GIPC2: variants seen among roughly 807,000 people sequenced by gnomAD.
GIPC2 encodes the protein PDZ domain-containing protein GIPC2.
A neutral mutation model predicts 30.6 loss-of-function variants in GIPC2; 30 were observed. That is an observed-to-expected ratio of 0.98 (90% CI 0.73 to 1.33). GIPC2 has a LOEUF of 1.33. Ranked by LOEUF, GIPC2 falls within the 40% of genes most tolerant of loss-of-function variation. The pLI, the probability that GIPC2 is intolerant of heterozygous loss-of-function variation, is 0.00. For synonymous variants in GIPC2, 167 were observed against 150.0 expected, an observed-to-expected ratio of 1.11 and a Z score of -0.83; for missense variants, 414 against 390.3, an observed-to-expected ratio of 1.06 and a Z score of -0.51.
intron 2 of GIPC2, among the ~76,000 whole-genome samples, chr1:78,084,544 G>A (rs887732333): frequency 3.3e-5 from 5 of 150,718 alleles, no homozygotes; most frequent in Non-Finnish European, 4.4e-5. Context: ...AACTCGTAAC[G>A]ATGCTTCTAA....
chr1:78,053,765 AGC>A (rs1661238995), intron 1 of GIPC2, among the ~76,000 whole-genome samples: 2 of 132,016 alleles, frequency 1.5e-5, no homozygotes, highest in East Asian at 2.0e-4. Context: ...AAAAAAAAAA[AGC>A]CAAAAAAAAA....
At chr1:78,088,831 TAA>T (rs67286239) in intron 2 of GIPC2, among the ~76,000 whole-genome samples, 18 of 141,122 alleles carry the variant, frequency 1.3e-4, no homozygotes, top group Admixed American at 1.4e-4. Flanking sequence ...CACTGTCTCT[TAA>T]AAAAAAAAAA....
In GIPC2 at chr1:78,102,390, G is replaced by A. The variant is rs1190538232; in HGVS notation, c.607+7258G>A. 2.0e-5 allele frequency among the ~76,000 whole-genome samples: 3 copies of A among 152,186 alleles called. No individual in the cohort carries two copies. In the East Asian group the frequency reaches 5.8e-4, roughly 29 times the overall value. ...TTAAGAGATAAACTGTGGCTTTTAA[G>A]TTTTATATGACTTTTTGGATAGACA... On this transcript the variant is annotated intron_variant, in intron 3 of 5. Transcript: ENST00000370759.
Position 78,135,810 on chromosome 1 carries a change from T to A in GIPC2, c.*67T>A. ...TTTTTCTCTTTTTTAAAAAGTCCTATAAGATCTGTTTTTGGACACCTTTAC... is the reference window on the plus strand; with the variant it reads ...TTTTTCTCTTTTTTAAAAAGTCCTAAAAGATCTGTTTTTGGACACCTTTAC... On this transcript the variant is annotated 3_prime_UTR_variant, in exon 6 of 6. Coordinates refer to ENST00000370759, the MANE Select transcript of GIPC2 (RefSeq NM_017655.6). The A allele has an allele frequency of 7.4e-7, 1 of 1,346,358 alleles. No individual in the cohort carries two copies. Among genetic ancestry groups the A allele is most frequent in the Non-Finnish European group, 1.0e-6 (1 of 964,124 alleles). The allele number at this position is 1,346,358 out of a possible 1,614,324, so 83.4% of individuals were successfully genotyped here.
chr1:78,047,919 T>G (rs973939744), intron 1 of GIPC2, among the ~76,000 whole-genome samples: 15 of 152,260 alleles, frequency 9.9e-5, no homozygotes, highest in African/African-American at 3.6e-4. Flanking sequence ...TTCTGATTCC[T>G]AAGCTAGTGA....
chr1:78,136,853 A>G lies in GIPC2; in HGVS notation c.*1110A>G, dbSNP rs1663016074. On this transcript the variant is annotated 3_prime_UTR_variant, in exon 6 of 6. Coordinates refer to ENST00000370759, the MANE Select transcript of GIPC2 (RefSeq NM_017655.6). ...GTAGGTGTAAGAGAAATGGAAATGA[A>G]TGGTTTCAACAAAGATCATTTAATA... 6.6e-6 allele frequency: 1 copy of G among 152,264 alleles called. No individual in the cohort carries two copies. The highest frequency in any genetic ancestry group is 3.4e-3 in the Middle Eastern group (1 of 294). 9.4% of individuals were successfully genotyped at this position (152,264 alleles called of 1,614,324 possible). A position where few individuals can be genotyped will look rare whatever the true frequency, so the allele number is the denominator to read the frequency against.
At chr1:78,128,496 A>G (rs902101974) in intron 5 of GIPC2, among the ~76,000 whole-genome samples, 14 of 152,240 alleles carry the variant, frequency 9.2e-5, no homozygotes, top group Non-Finnish European at 2.1e-4. Context: ...AATATGTAAC[A>G]TATAAATAGA....
At chr1:78,072,058 A>G (rs189675267) in intron 1 of GIPC2, among the ~76,000 whole-genome samples, 3 of 152,304 alleles carry the variant, frequency 2.0e-5, no homozygotes, top group Admixed American at 6.5e-5. Context: ...CAACTGCACC[A>G]ATTACTATAT....
In GIPC2 at chr1:78,136,588, AAAAT is replaced by A. The variant is rs1298030532; in HGVS notation, c.*848_*851del. 4.7e-5 allele frequency: 7 copies of A among 149,044 alleles called. No homozygotes were observed. The highest frequency in any genetic ancestry group is 8.9e-5 in the Non-Finnish European group (6 of 67,460). The allele number at this position is 149,044 out of a possible 1,614,324, so 9.2% of individuals were successfully genotyped here. On this transcript the variant is annotated 3_prime_UTR_variant, in exon 6 of 6. Coordinates refer to ENST00000370759, the MANE Select transcript of GIPC2 (RefSeq NM_017655.6). Reference sequence around the variant, plus strand: ...AGAGTTTTTGGAAAGATATTTACTCAAAATAACTATGCTTTAGAACTTTTTTTTT... The same window carrying A: ...AGAGTTTTTGGAAAGATATTTACTCAAACTATGCTTTAGAACTTTTTTTTT...
intron 2 of GIPC2, chr1:78,092,084 G>A: frequency 7.3e-7 from 1 of 1,366,280 alleles, no homozygotes; most frequent in African/African-American, 1.4e-5. Flanking sequence ...CCCCGGCTTT[G>A]TGTCTGTGGG....
rs555410688 is a variant in GIPC2 at position 78,104,128 on chromosome 1, C to T, written c.607+8996C>T. ...TGGGGAGAGGCCTTCAAAGCAAAAC[C>T]AAGAGTAAATTTCTCACCAAACCTG... On this transcript the variant is annotated intron_variant, in intron 3 of 5. Transcript: ENST00000370759. Among the ~76,000 whole-genome samples the T allele has an allele frequency of 2.1e-5, 3 of 145,462 alleles. No homozygotes were observed. The East Asian group carries it at 5.9e-4, about 29-fold the overall frequency.
intron 3 of GIPC2, among the ~76,000 whole-genome samples, chr1:78,106,559 C>G (rs908792139): frequency 6.6e-6 from 1 of 152,030 alleles, no homozygotes; most frequent in Non-Finnish European, 1.5e-5. Context: ...GACTCCATCT[C>G]AAAAACAAAA....
At chr1:78,070,294 T>C (rs544334189) in intron 1 of GIPC2, among the ~76,000 whole-genome samples, 1 of 152,178 alleles carries the variant, frequency 6.6e-6, no homozygotes, top group African/African-American at 2.4e-5. Flanking sequence ...ATGTCCCCTG[T>C]TATAGTCTCT....
intron 3 of GIPC2, chr1:78,112,514 A>G (rs1277048533): frequency 5.8e-6 from 3 of 518,876 alleles, no homozygotes; most frequent in South Asian, 1.4e-5. Context: ...CCCAGGCCCC[A>G]TAGGTGCTGC....
At chr1:78,078,166 C>T (rs887226146) in intron 1 of GIPC2, among the ~76,000 whole-genome samples, 1 of 109,842 alleles carries the variant, frequency 9.1e-6, no homozygotes, top group South Asian at 3.4e-4. Context: ...CCAGCCTGGG[C>T]GACAGAGCGA....
At position 78,046,166 on chromosome 1, in the gene GIPC2, G is replaced by T. The variant is rs1661075016; in HGVS notation, c.72G>T (p.Pro24=). 1.3e-6 allele frequency: 2 copies of T among 1,559,010 alleles called. No individual in the cohort carries two copies. The highest frequency in any genetic ancestry group is 8.7e-7 in the Non-Finnish European group (1 of 1,155,364). ...KETAGLVEGE[P]TGAGGGSLSA... is the part of the protein sequence containing the mutation. ...CCGCCGGGCTGGTGGAGGGCGAGCCGACGGGCGCGGGCGGCGGGAGCCTCT... is the reference window on the plus strand; with the variant it reads ...CCGCCGGGCTGGTGGAGGGCGAGCCTACGGGCGCGGGCGGCGGGAGCCTCT... The change falls in exon 1 of 6, where the codon CCG becomes CCT. Residue 24 remains proline (P), a synonymous_variant. Coordinates refer to ENST00000370759, the MANE Select transcript of GIPC2 (RefSeq NM_017655.6).
chr1:78,100,800 A>G (rs945610651), intron 3 of GIPC2, among the ~76,000 whole-genome samples: 1 of 151,788 alleles, frequency 6.6e-6, no homozygotes, highest in Non-Finnish European at 1.5e-5. Flanking sequence ...AATGGTGGCA[A>G]GCACCTCTAG....
intron 1 of GIPC2, among the ~76,000 whole-genome samples, chr1:78,054,991 G>A (rs368139092): frequency 5.3e-5 from 8 of 152,274 alleles, no homozygotes; most frequent in African/African-American, 1.7e-4. Flanking sequence ...GGCTCTTGCA[G>A]GTTATCTTGG....
At chr1:78,077,752 C>CACTT (rs1338088936) in intron 1 of GIPC2, among the ~76,000 whole-genome samples, 2 of 152,092 alleles carry the variant, frequency 1.3e-5, no homozygotes, top group African/African-American at 2.4e-5. Flanking sequence ...ATAATATGGC[C>CACTT]ACTTCACTGT....
Sources: allele counts gnomAD v4.1 joint callset (sites outside exome capture counted in the v4.1 genomes callset), GRCh38; gene constraint gnomAD v4.1.1; transcripts MANE v1.5; gene names NCBI Gene and HGNC (gene_info 2026-07-23, HGNC 2026-07-21).